The following BMAL2 variants were observed in gnomAD, a reference collection of about 807,000 sequenced individuals.
BMAL2 encodes basic helix-loop-helix ARNT like 2, also known as basic helix-loop-helix ARNT-like protein 2.
chr12:27,338,191 G>A, the BMAL2 span, among the ~76,000 whole-genome samples: 6 of 152,200 alleles, frequency 3.9e-5, no homozygotes, highest in African/African-American at 9.7e-5. Context: ...CATTAAATAC[G>A]CACTATTTAC....
the BMAL2 span, among the ~76,000 whole-genome samples, chr12:27,373,037 C>A: frequency 6.6e-6 from 1 of 152,122 alleles, no homozygotes; most frequent in African/African-American, 2.4e-5. Context: ...TACAGTCTTA[C>A]AATTTTCAAA....
the BMAL2 span, among the ~76,000 whole-genome samples, chr12:27,367,713 C>T: frequency 2.6e-5 from 4 of 151,520 alleles, no homozygotes; most frequent in Non-Finnish European, 5.9e-5. Context: ...CACAATTAGT[C>T]TTTCATTCTG....
chr12:27,376,842 T>C, the BMAL2 span, among the ~76,000 whole-genome samples: 1 of 151,382 alleles, frequency 6.6e-6, no homozygotes, highest in East Asian at 1.9e-4. Flanking sequence ...CTACTAAAAA[T>C]ACAAAAAATT....
chr12:27,413,463 AAGGTATTTTATGT>A, the BMAL2 span, among the ~76,000 whole-genome samples: 1 of 152,222 alleles, frequency 6.6e-6, no homozygotes, highest in Non-Finnish European at 1.5e-5. Context: ...TTATAATGAC[AAGGTATTTTATGT>A]AGGCTTCCTA....
the BMAL2 span, among the ~76,000 whole-genome samples, chr12:27,403,972 G>T: frequency 6.6e-6 from 1 of 151,416 alleles, no homozygotes; most frequent in African/African-American, 2.4e-5. Context: ...AGACAAGCCT[G>T]GGCAACATGG....
the BMAL2 span, among the ~76,000 whole-genome samples, chr12:27,349,633 T>A: frequency 7.2e-5 from 11 of 152,188 alleles, no homozygotes; most frequent in Non-Finnish European, 1.2e-4. Flanking sequence ...TGCCTGGCCA[T>A]AAGCTCACTA....
the BMAL2 span, among the ~76,000 whole-genome samples, chr12:27,352,682 A>G: frequency 6.6e-6 from 1 of 152,240 alleles, no homozygotes; most frequent in African/African-American, 2.4e-5. Context: ...GTGATTCTCT[A>G]TCTAGAAAAC....
At chr12:27,411,461 A>AAG in the BMAL2 span, among the ~76,000 whole-genome samples, 1 of 151,496 alleles carries the variant, frequency 6.6e-6, no homozygotes, top group Non-Finnish European at 1.5e-5. Flanking sequence ...AAAAAAAAAA[A>AAG]AGAGAGATTA....
the BMAL2 span, among the ~76,000 whole-genome samples, chr12:27,350,125 CT>C: frequency 6.6e-6 from 1 of 152,224 alleles, no homozygotes; most frequent in Non-Finnish European, 1.5e-5. Context: ...AAGCAGGTGA[CT>C]TTAGCAGACT....
the BMAL2 span, among the ~76,000 whole-genome samples, chr12:27,346,562 C>T: frequency 6.6e-6 from 1 of 152,188 alleles, no homozygotes; most frequent in Non-Finnish European, 1.5e-5. Flanking sequence ...CATGCCCGGC[C>T]TAAACCTTTG....
chr12:27,360,816 A>AAAC, the BMAL2 span, among the ~76,000 whole-genome samples: 5 of 149,520 alleles, frequency 3.3e-5, no homozygotes, highest in African/African-American at 1.2e-4. Context: ...AAAAAAAAAA[A>AAAC]AAAAAAAAAC....
the BMAL2 span, chr12:27,389,366 A>G: frequency 2.8e-6 from 3 of 1,058,292 alleles, no homozygotes; most frequent in South Asian, 1.4e-5. Flanking sequence ...TTAGCTACAC[A>G]GTGTTTTTAA....
chr12:27,405,923 C>T, the BMAL2 span, among the ~76,000 whole-genome samples: 18 of 152,124 alleles, frequency 1.2e-4, no homozygotes, highest in South Asian at 8.3e-4. Context: ...CTGAAAACAA[C>T]GGCATGAGAA....
At chr12:27,418,066 G>A in the BMAL2 span, 1 of 1,507,620 alleles carries the variant, frequency 6.6e-7, no homozygotes, top group Non-Finnish European at 9.2e-7. Flanking sequence ...CTCACTGTTT[G>A]TTACTCTGGC....
chr12:27,346,223 TTATC>T, the BMAL2 span, among the ~76,000 whole-genome samples: 26,524 of 152,104 alleles, frequency 0.17, 2,748 homozygotes, highest in East Asian at 0.3. Flanking sequence ...CCACTTTATC[TTATC>T]TCCTGAATGT....
At chr12:27,368,279 G>C in the BMAL2 span, 3 of 1,614,016 alleles carry the variant, frequency 1.9e-6, no homozygotes, top group Non-Finnish European at 2.5e-6. Context: ...GTTGAGAGAG[G>C]AGAACCAGTG....
At chr12:27,357,328 C>G in the BMAL2 span, among the ~76,000 whole-genome samples, 1 of 152,208 alleles carries the variant, frequency 6.6e-6, no homozygotes, top group East Asian at 1.9e-4. Context: ...AAGACCTCTA[C>G]AAGGAAAACT....
At chr12:27,350,922 C>T in the BMAL2 span, among the ~76,000 whole-genome samples, 1 of 151,514 alleles carries the variant, frequency 6.6e-6, no homozygotes, top group Non-Finnish European at 1.5e-5. Flanking sequence ...TAAGGTGATC[C>T]GCCTGCCTCA....
At chr12:27,402,790 T>C in the BMAL2 span, 1 of 974,854 alleles carries the variant, frequency 1.0e-6, no homozygotes, top group Non-Finnish European at 1.5e-6. Context: ...TTAAAAGTAG[T>C]TCTGCAGGTT....
Sources: allele counts gnomAD v4.1 joint callset (sites outside exome capture counted in the v4.1 genomes callset), GRCh38; gene constraint gnomAD v4.1.1; transcripts MANE v1.5; gene names NCBI Gene and HGNC (gene_info 2026-07-23, HGNC 2026-07-21).